Variants in PCDH15 observed in about 807,000 individuals in gnomAD.
PCDH15 encodes protocadherin-15.
PCDH15 carries 129 observed loss-of-function variants against 178.5 expected under a neutral mutation model. The observed-to-expected ratio is 0.72, with a 90% CI of 0.63 to 0.84. PCDH15 has a LOEUF of 0.84. Ranked by LOEUF, PCDH15 falls within the 40% of genes least tolerant of loss-of-function variation. PCDH15 has a pLI of 0.00. For missense variants in PCDH15, 2,230 were observed against 2,099.9 expected, an observed-to-expected ratio of 1.06 and a Z score of -1.21; for synonymous variants, 800 against 732.0, an observed-to-expected ratio of 1.09 and a Z score of -1.50.
chr10:54,849,550 G>C (rs750611116), intron 3 of PCDH15, among the ~76,000 whole-genome samples: 1 of 152,018 alleles, frequency 6.6e-6, no homozygotes, highest in African/African-American at 2.4e-5. Context: ...ACCTATTTCC[G>C]CTGGGGCTTT....
chr10:54,760,845 A>ACTT (rs1161047447), intron 1 of PCDH15, among the ~76,000 whole-genome samples: 3 of 152,176 alleles, frequency 2.0e-5, no homozygotes, highest in African/African-American at 7.2e-5. Flanking sequence ...GTATGGGTAA[A>ACTT]CTGAAGTATC....
intron 2 of PCDH15, among the ~76,000 whole-genome samples, chr10:55,350,565 C>T (rs1844898206): frequency 2.0e-5 from 3 of 151,862 alleles, no homozygotes; most frequent in African/African-American, 7.3e-5. Flanking sequence ...TACTGACATT[C>T]TAGAATTTCC....
At chr10:54,527,573 A>C (rs1419244155) in intron 3 of PCDH15, among the ~76,000 whole-genome samples, 1 of 152,104 alleles carries the variant, frequency 6.6e-6, no homozygotes, top group East Asian at 1.9e-4. Context: ...TGAATCAAAT[A>C]ATTTCTTTTA....
At chr10:55,352,138 G>A (rs1187889863) in intron 2 of PCDH15, among the ~76,000 whole-genome samples, 1 of 152,062 alleles carries the variant, frequency 6.6e-6, no homozygotes, top group Non-Finnish European at 1.5e-5. Flanking sequence ...TTTTTGCATT[G>A]TTGAAATTTA....
intron 2 of PCDH15, among the ~76,000 whole-genome samples, chr10:54,551,701 T>A (rs1427834028): frequency 5.9e-5 from 9 of 152,118 alleles, no homozygotes; most frequent in Non-Finnish European, 1.3e-4. Flanking sequence ...ATACTGTTTT[T>A]GTTTCAATCA....
intron 28 of PCDH15, among the ~76,000 whole-genome samples, chr10:53,850,620 T>C (rs2132925899): frequency 6.6e-6 from 1 of 152,284 alleles, no homozygotes; most frequent in African/African-American, 2.4e-5. Context: ...GGATTTATTA[T>C]TATATTTCTG....
At chr10:54,203,648 T>C (rs759745738) in intron 10 of PCDH15, among the ~76,000 whole-genome samples, 1 of 152,196 alleles carries the variant, frequency 6.6e-6, no homozygotes, top group Non-Finnish European at 1.5e-5. Context: ...GGCTACTATG[T>C]AATTCAAAAT....
intron 2 of PCDH15, among the ~76,000 whole-genome samples, chr10:55,589,967 A>G (rs1044681801): frequency 1.4e-5 from 2 of 145,130 alleles, no homozygotes; most frequent in African/African-American, 5.0e-5. Context: ...TACGGGGTAT[A>G]TACCCAAAGG....
At chr10:54,408,982 G>A (rs1565198407) in intron 3 of PCDH15, among the ~76,000 whole-genome samples, 1 of 152,160 alleles carries the variant, frequency 6.6e-6, no homozygotes, top group Non-Finnish European at 1.5e-5. Context: ...TGTTGTGAGA[G>A]GGACCCAGTG....
intron 2 of PCDH15, among the ~76,000 whole-genome samples, chr10:55,158,368 G>T (rs1382091566): frequency 2.0e-5 from 3 of 152,014 alleles, no homozygotes; most frequent in African/African-American, 7.2e-5. Context: ...TAAAGTGGTA[G>T]GTGGGGGTGA....
At chr10:55,602,182 G>A (rs927242911) in intron 2 of PCDH15, among the ~76,000 whole-genome samples, 75 of 152,102 alleles carry the variant, frequency 4.9e-4, no homozygotes, top group African/African-American at 1.7e-3. Context: ...TTTCCAACCG[G>A]CGTAAAAAAC....
intron 2 of PCDH15, among the ~76,000 whole-genome samples, chr10:55,140,521 G>A (rs765795716): frequency 4.8e-4 from 73 of 151,736 alleles, no homozygotes; most frequent in Non-Finnish European, 8.1e-4. Context: ...TAATTTGCAC[G>A]TATTGAACTA....
intron 8 of PCDH15, among the ~76,000 whole-genome samples, chr10:54,268,263 T>TA (rs961232518): frequency 6.6e-6 from 1 of 151,906 alleles, no homozygotes; most frequent in East Asian, 1.9e-4. Context: ...TCTGACCATA[T>TA]AAAAAAATTA....
chr10:53,822,507 A>ATGTT lies in PCDH15; in HGVS notation c.4368-2281_4368-2278dup, dbSNP rs2076357685. The ATGTT allele has an allele frequency of 1.9e-6, 3 of 1,612,470 alleles. No individual in the cohort carries two copies. Among genetic ancestry groups the ATGTT allele is most frequent in the Non-Finnish European group, 1.7e-6 (2 of 1,179,466 alleles). On this transcript the variant is annotated intron_variant, in intron 32 of 37. Coordinates refer to ENST00000644397, the MANE Select transcript of PCDH15 (RefSeq NM_001384140.1). ...GGGAAGGGGACAGGCAGAAGGAGAG[A>ATGTT]TGTTTGGTGGATGGGCAAAATTTTC...
At chr10:54,729,691 T>C (rs1381531266) in intron 1 of PCDH15, among the ~76,000 whole-genome samples, 3 of 151,574 alleles carry the variant, frequency 2.0e-5, no homozygotes, top group Non-Finnish European at 4.4e-5. Context: ...TATAAGGAAT[T>C]CAAACAATTG....
At chr10:53,847,228 G>A (rs1484577986) in intron 28 of PCDH15, among the ~76,000 whole-genome samples, 3 of 151,996 alleles carry the variant, frequency 2.0e-5, no homozygotes, top group African/African-American at 4.8e-5. Flanking sequence ...TGTTGTGATG[G>A]TTACAAGAAC....
chr10:54,234,469 C>T (rs952970109), intron 9 of PCDH15, among the ~76,000 whole-genome samples: 2 of 152,114 alleles, frequency 1.3e-5, no homozygotes, highest in East Asian at 3.9e-4. Context: ...GGGAGGATCG[C>T]TTGAACCCAG....
rs57869237 is a variant in PCDH15, at chr10:54,827,575, T to C, written c.-29+69875A>G. 3.7e-3 allele frequency among the ~76,000 whole-genome samples: 561 copies of C among 152,246 alleles called. 1 individual carries two copies. The highest frequency in any genetic ancestry group is 0.013 in the African/African-American group (538 of 41,564). On this transcript the variant is annotated intron_variant, in intron 3 of 5. Coordinates refer to the PCDH15 transcript ENST00000458638. ...AAGCAATTTTCAGTACACAGTCTTTTAAATCAACTAAATTTCATTCCTTTT... is the reference window on the plus strand; with the variant it reads ...AAGCAATTTTCAGTACACAGTCTTTCAAATCAACTAAATTTCATTCCTTTT...
At chr10:53,878,859 T>C (rs2133313488) in intron 26 of PCDH15, among the ~76,000 whole-genome samples, 1 of 152,248 alleles carries the variant, frequency 6.6e-6, no homozygotes, top group South Asian at 2.1e-4. Context: ...TGAGTTTAGT[T>C]CTACCACTTA....
Sources: allele counts gnomAD v4.1 joint callset (sites outside exome capture counted in the v4.1 genomes callset), GRCh38; gene constraint gnomAD v4.1.1; transcripts MANE v1.5; gene names NCBI Gene and HGNC (gene_info 2026-07-23, HGNC 2026-07-21).